The following TXNDC16 variants were observed in gnomAD, a reference collection of about 807,000 sequenced individuals.
TXNDC16 encodes the protein thioredoxin domain-containing protein 16.
A neutral mutation model predicts 85.6 loss-of-function variants in TXNDC16; 74 were observed. The ratio of observed to expected loss-of-function variants is 0.86; its 90% CI spans 0.72 to 1.05. The LOEUF (loss-of-function observed/expected upper bound fraction) is 1.05. TXNDC16 is among the 50% of genes least tolerant of loss of function. The pLI is 0.00. For synonymous variants in TXNDC16, 335 were observed against 326.5 expected, an observed-to-expected ratio of 1.03 and a Z score of -0.28; for missense variants, 959 against 947.0, an observed-to-expected ratio of 1.01 and a Z score of -0.17.
chr14:52,471,470 C>T (rs547338773), intron 14 of TXNDC16, among the ~76,000 whole-genome samples: 3 of 152,308 alleles, frequency 2.0e-5, no homozygotes, highest in East Asian at 3.9e-4. Context: ...ATCTTTCTTA[C>T]CGTGTACAAC....
intron 7 of TXNDC16, among the ~76,000 whole-genome samples, chr14:52,517,667 C>T (rs1022818322): frequency 1.4e-4 from 21 of 152,200 alleles, no homozygotes; most frequent in African/African-American, 4.6e-4. Flanking sequence ...TACATTCCAT[C>T]CTCTCTTGCC....
At chr14:52,536,688 A>G (rs745733757) in intron 6 of TXNDC16, 31 bp downstream of exon 6, 2 of 1,540,296 alleles carry the variant, frequency 1.3e-6, no homozygotes, top group East Asian at 4.6e-5. Context: ...AGTAACAAGT[A>G]AACAAATGAA....
At chr14:52,515,882 T>C (rs1195200422) in intron 7 of TXNDC16, among the ~76,000 whole-genome samples, 1 of 152,148 alleles carries the variant, frequency 6.6e-6, no homozygotes, top group Admixed American at 6.6e-5. Flanking sequence ...TATTACTTTG[T>C]TGACTCAGTA....
intron 9 of TXNDC16, among the ~76,000 whole-genome samples, chr14:52,493,210 TATATA>T (rs1388146942): frequency 8.4e-6 from 1 of 119,198 alleles, no homozygotes; most frequent in East Asian, 2.5e-4. Flanking sequence ...TATATATATA[TATATA>T]TACACACACA....
chr14:52,523,257 A>G (rs1479875170), intron 6 of TXNDC16, among the ~76,000 whole-genome samples: 1 of 152,034 alleles, frequency 6.6e-6, no homozygotes, highest in Non-Finnish European at 1.5e-5. Context: ...AAAGGCCTTC[A>G]TTTTCTTTGG....
At chr14:52,514,499 G>A (rs758930948) in intron 8 of TXNDC16, among the ~76,000 whole-genome samples, 2 of 152,140 alleles carry the variant, frequency 1.3e-5, no homozygotes, top group Non-Finnish European at 2.9e-5. Context: ...ATACATTTAA[G>A]ATTATTATGA....
At chr14:52,510,513 T>A (rs1000053779) in intron 9 of TXNDC16, among the ~76,000 whole-genome samples, 1 of 152,184 alleles carries the variant, frequency 6.6e-6, no homozygotes, top group Non-Finnish European at 1.5e-5. Context: ...ACTCTACACA[T>A]CCATATGAGT....
intron 16 of TXNDC16, among the ~76,000 whole-genome samples, chr14:52,463,896 C>T (rs1264509095): frequency 6.6e-6 from 1 of 152,086 alleles, no homozygotes; most frequent in Non-Finnish European, 1.5e-5. Flanking sequence ...ACTAATATAT[C>T]AGTGTTTGCA....
intron 15 of TXNDC16, 149 bp from the exon 16 acceptor site, chr14:52,470,322 TCA>T: frequency 1.1e-6 from 1 of 913,632 alleles, no homozygotes; most frequent in Admixed American, 3.2e-5. Flanking sequence ...TTAAAGAAAA[TCA>T]GACTCATTAA....
At chr14:52,529,886 A>AATTATAT (rs546376518) in intron 6 of TXNDC16, among the ~76,000 whole-genome samples, 8,087 of 103,426 alleles carry the variant, frequency 0.078, 378 homozygotes, top group African/African-American at 0.13. Context: ...TATATATATG[A>AATTATAT]ATTATATATT....
chr14:52,458,128 T>C (rs2035574723), intron 16 of TXNDC16, among the ~76,000 whole-genome samples: 1 of 152,194 alleles, frequency 6.6e-6, no homozygotes, highest in South Asian at 2.1e-4. Context: ...ATTGTCAACA[T>C]TGGGTAACCA....
intron 14 of TXNDC16, among the ~76,000 whole-genome samples, chr14:52,472,997 C>T (rs1264617348): frequency 1.3e-5 from 2 of 152,110 alleles, no homozygotes; most frequent in African/African-American, 2.4e-5. Context: ...ACTGGAAAGA[C>T]CATTTGTATA....
intron 9 of TXNDC16, among the ~76,000 whole-genome samples, chr14:52,501,891 C>A (rs933119019): frequency 6.6e-6 from 1 of 152,088 alleles, no homozygotes; most frequent in Non-Finnish European, 1.5e-5. Context: ...TAAAAGTGAC[C>A]AAACCAGCTG....
intron 9 of TXNDC16, among the ~76,000 whole-genome samples, chr14:52,494,411 T>C (rs1429721243): frequency 6.6e-6 from 1 of 152,160 alleles, no homozygotes; most frequent in Non-Finnish European, 1.5e-5. Flanking sequence ...GAGCAGCCTG[T>C]AGGAAATGAG....
At chr14:52,529,012 T>C (rs2037409192) in intron 6 of TXNDC16, among the ~76,000 whole-genome samples, 1 of 148,040 alleles carries the variant, frequency 6.8e-6, no homozygotes, top group South Asian at 2.1e-4. Flanking sequence ...ATATTTTATC[T>C]ATATAATACC....
rs150860923 is a variant in TXNDC16, at chr14:52,521,731, CTT to C, written c.393-2440_393-2439del. Among the ~76,000 whole-genome samples, 706 of 152,244 alleles carry C rather than the reference CTT, an allele frequency of 4.6e-3. 6 individuals carry two copies. Among genetic ancestry groups the C allele is most frequent in the African/African-American group, 0.016 (676 of 41,536 alleles). On this transcript the variant is annotated intron_variant, in intron 6 of 20. Coordinates refer to ENST00000281741, the MANE Select transcript of TXNDC16 (RefSeq NM_020784.3). ...TTGATCTTCTATCATTCCCAGGGCT[CTT>C]GTTTTGTTTTTATAAGAAATACTTA...
intron 9 of TXNDC16, among the ~76,000 whole-genome samples, chr14:52,494,506 T>G (rs909887080): frequency 2.6e-5 from 4 of 152,070 alleles, no homozygotes; most frequent in Non-Finnish European, 5.9e-5. Flanking sequence ...AAAACCTAGA[T>G]GAGTGAAATA....
chr14:52,481,843 G>T (rs537229625), intron 14 of TXNDC16, among the ~76,000 whole-genome samples: 4 of 152,166 alleles, frequency 2.6e-5, no homozygotes, highest in African/African-American at 9.6e-5. Context: ...GGGGATTTTT[G>T]ATCTCTCATT....
rs1279963125 is a variant in TXNDC16 at position 52,437,204 on chromosome 14, CT to C, written c.2194+1999del. ...AGGATAATAGATTCTGGGCCAAGAT[CT>C]ATTTTCTTGTGGTTCAAAATTCTGG... On this transcript the variant is annotated intron_variant, in intron 20 of 20. Transcript: ENST00000281741. Among the ~76,000 whole-genome samples, 5 of 152,170 alleles carry C rather than the reference CT, an allele frequency of 3.3e-5. No homozygotes were observed. The East Asian group carries it at 9.6e-4, about 29-fold the overall frequency.
Sources: allele counts gnomAD v4.1 joint callset (sites outside exome capture counted in the v4.1 genomes callset), GRCh38; gene constraint gnomAD v4.1.1; transcripts MANE v1.5; gene names NCBI Gene and HGNC (gene_info 2026-07-23, HGNC 2026-07-21).